ADGRL1: variants seen among roughly 807,000 people sequenced by gnomAD.
ADGRL1 encodes adhesion G protein-coupled receptor L1.
Under a neutral mutation model 148.9 loss-of-function variants are expected in ADGRL1, and 31 were observed. The ratio of observed to expected loss-of-function variants is 0.21; its 90% CI spans 0.16 to 0.28. The LOEUF is 0.28. Among genes scored for constraint, ADGRL1 ranks in the 10% least tolerant of loss-of-function variants. ADGRL1 has a pLI of 1.00. For synonymous variants in ADGRL1, 937 were observed against 900.3 expected (o/e 1.04, Z -0.73); for missense variants, 1,521 against 2,058.8 (o/e 0.74, Z 5.05).
intron 1 of ADGRL1, among the ~76,000 whole-genome samples, chr19:14,197,742 T>C (rs138181019): frequency 6.1e-4 from 93 of 152,292 alleles, no homozygotes; most frequent in African/African-American, 2.2e-3. Flanking sequence ...TTCCCCACCA[T>C]CGAGGGACTC....
At chr19:14,172,532 G>A (rs1040813494) in intron 3 of ADGRL1, among the ~76,000 whole-genome samples, 1 of 151,346 alleles carries the variant, frequency 6.6e-6, no homozygotes, top group African/African-American at 2.4e-5. Context: ...TTGAAGCCAG[G>A]AGCTTGAGAG....
In ADGRL1 at chr19:14,152,850, C is replaced by T; in HGVS notation, c.3357G>A (p.Gly1119=). The change falls in exon 19 of 23, where the codon GGG becomes GGA. Residue 1119 remains glycine (G), a synonymous_variant. Transcript: ENST00000361434. The surrounding 1 kb of genome is among the most constrained non-coding windows in gnomAD (Gnocchi z 6.1). ...AGGTCTTGAGGGATCCGTGAGTGCC[C>T]CCGGGTGGGGAGCGGATGCAGCAGT... ...HSYCCIRSPP[G]GTHGSLKTSA... The T allele has an allele frequency of 6.2e-7, 1 of 1,614,144 alleles. No individual in the cohort carries two copies. Among genetic ancestry groups the T allele is most frequent in the Non-Finnish European group, 8.5e-7 (1 of 1,180,008 alleles).
rs1273026419 is a variant in ADGRL1, at chr19:14,170,683, G to A, written c.393C>T (p.Tyr131=). The A allele has an allele frequency of 1.9e-6, 3 of 1,596,584 alleles. No homozygotes were observed. The highest frequency in any genetic ancestry group is 2.6e-6 in the Non-Finnish European group (3 of 1,164,648). The stretch of plus-strand genomic sequence containing the variant: ...CGCACAAGGAACAAGATGACTCACT[G>A]TAGGGGACACAGTCGTACTGCACCT... ...YLEVQYDCVP[Y]IFVCPGTLQK... is the part of the protein sequence containing the mutation. The change falls in exon 4 of 23, where the codon TAC becomes TAT. Residue 131 remains tyrosine (Y), a splice_region_variant and synonymous_variant. Transcript: ENST00000361434.
Position 14,151,338 on chromosome 19 carries a change from T to G in ADGRL1, c.3945A>C (p.Glu1315Asp). ...CAGCACCCCCGGGCCCGCCCGCCTCTTCCTCGCCCCCGCCCCCTGGCACAG... is the reference window on the plus strand; with the variant it reads ...CAGCACCCCCGGGCCCGCCCGCCTCGTCCTCGCCCCCGCCCCCTGGCACAG... ...VPPVPGGGGE[E>D]EAGGPGGADR... Residue 1315 changes from glutamate (E) to aspartate (D), a missense_variant, in exon 23 of 23, where the codon GAA (glutamate) becomes GAC (aspartate). By Grantham distance (45) the Glu-to-Asp change is conservative (BLOSUM62 2). This residue lies in a region of ADGRL1 where 390 missense variants were observed against 375.0 expected (regional missense o/e 1.04). Coordinates refer to ENST00000361434, the MANE Select transcript of ADGRL1 (RefSeq NM_014921.5). 1 of 1,601,208 alleles carries G rather than the reference T, an allele frequency of 6.2e-7. No individual in the cohort carries two copies. The highest frequency in any genetic ancestry group is 1.3e-5 in the African/African-American group (1 of 74,636).
Position 14,159,610 on chromosome 19 carries a change from G to C in ADGRL1, c.1840-26C>G. ...CTGCACAGGCAGAGGGCATGGTGCT[G>C]TGAGCCCCCCAACACCCTCTAATTC... On this transcript the variant is annotated intron_variant, in intron 9 of 22. Transcript: ENST00000361434. This position sits in a 1 kb window ranked among gnomAD's most constrained non-coding sequence, Gnocchi z 6.0. 6.3e-7 allele frequency: 1 copy of C among 1,592,972 alleles called. No homozygotes were observed. The highest frequency in any genetic ancestry group is 8.6e-7 in the Non-Finnish European group (1 of 1,165,396).
chr19:14,151,070 G>GGGGGGGGGC lies in ADGRL1; in HGVS notation c.4212_4213insGCCCCCCCC (p.Leu1404_Pro1405insAlaProPro). 6 of 709,392 alleles carry GGGGGGGGGC rather than the reference G, an allele frequency of 8.5e-6. No homozygotes were observed. Among genetic ancestry groups the GGGGGGGGGC allele is most frequent in the Non-Finnish European group, 1.3e-5 (6 of 459,040 alleles). The allele number at this position is 709,392 out of a possible 1,614,324, so 43.9% of individuals were successfully genotyped here. ...CCGGGGGGTGCGGGAGGGGGTGGGG[G>GGGGGGGGGC]CAGGGCCTCACTGGGCCCCTCAGGG... On this transcript the variant is annotated inframe_insertion, in exon 23 of 23. Transcript: ENST00000361434.
At chr19:14,171,763 ACTC>A (rs899359743) in intron 3 of ADGRL1, among the ~76,000 whole-genome samples, 4 of 151,934 alleles carry the variant, frequency 2.6e-5, no homozygotes, top group African/African-American at 9.7e-5. Context: ...CCAAGAGGCA[ACTC>A]CTCCAAGTCA....
chr19:14,202,864 G>C lies in ADGRL1; in HGVS notation c.-96+3121C>G, dbSNP rs566182332. Among the ~76,000 whole-genome samples, 20 of 152,112 alleles carry C rather than the reference G, an allele frequency of 1.3e-4. 1 individual carries two copies. The South Asian group carries it at 4.2e-3, about 32-fold the overall frequency. On this transcript the variant is annotated intron_variant, in intron 1 of 22. Coordinates refer to ENST00000361434, the MANE Select transcript of ADGRL1 (RefSeq NM_014921.5). Reference sequence around the variant, plus strand: ...ACACCAGCACAGGAGGGACCTTTATGAACACCGGATGAGTCTGATGGTCAC... The same window carrying C: ...ACACCAGCACAGGAGGGACCTTTATCAACACCGGATGAGTCTGATGGTCAC...
Position 14,161,466 on chromosome 19 carries a change from G to T in ADGRL1, c.1356C>A (p.Ala452=). The T allele has an allele frequency of 6.8e-7, 1 of 1,461,984 alleles. No individual in the cohort carries two copies. Among genetic ancestry groups the T allele is most frequent in the East Asian group, 2.7e-5 (1 of 37,574 alleles). 90.6% of individuals were successfully genotyped at this position (1,461,984 alleles called of 1,614,324 possible). The change falls in exon 6 of 23, where the codon GCC becomes GCA. Residue 452 remains alanine (A), a synonymous_variant. Transcript: ENST00000361434. The surrounding 1 kb of genome is among the most constrained non-coding windows in gnomAD (Gnocchi z 4.4). ...INQLGPDLPP[A]TAPVPSTRRP... ...GCCGGGTGCTGGGGACTGGGGCTGT[G>T]GCTGGAGGCAGATCAGGTCCCAGCT...
In ADGRL1 at chr19:14,177,665, G is replaced by A; in HGVS notation, c.150C>T (p.Cys50=). ...CCACCATGATGACGTCGCTGCCGGG[G>A]CACCGCAGCTCGATGGGGTAGCCTT... is the stretch of plus-strand genomic sequence containing the variant. The part of the protein sequence containing the change: ...ACEGYPIELR[C]PGSDVIMVEN... Residue 50 remains cysteine, a synonymous_variant, in exon 3 of 23, where the codon TGC becomes TGT. Coordinates refer to ENST00000361434, the MANE Select transcript of ADGRL1 (RefSeq NM_014921.5). 1 of 1,614,156 alleles carries A rather than the reference G, an allele frequency of 6.2e-7. No homozygotes were observed. The highest frequency in any genetic ancestry group is 8.5e-7 in the Non-Finnish European group (1 of 1,180,036).
intron 4 of ADGRL1, chr19:14,164,714 G>A (rs1969787643): frequency 7.2e-6 from 1 of 138,622 alleles, no homozygotes; most frequent in Non-Finnish European, 1.6e-5. Flanking sequence ...CCCTGAAAAG[G>A]AGGAAAACCT....
In ADGRL1 at chr19:14,191,065, C is replaced by T. The variant is rs546002055; in HGVS notation, c.-95-7368G>A. 2.8e-4 allele frequency: 124 copies of T among 446,534 alleles called. 2 individuals are homozygous for T. Among genetic ancestry groups the T allele is most frequent in the South Asian group, 1.9e-3 (119 of 64,198 alleles). 27.7% of individuals were successfully genotyped at this position (446,534 alleles called of 1,614,324 possible). On this transcript the variant is annotated intron_variant, in intron 1 of 22. Transcript: ENST00000361434. ...ATCACGCCACCGACTCTAGCCTGGC[C>T]GACAGAGCAAGACTCCGTCTCAAAA...
At chr19:14,181,831 C>T (rs1047107192) in intron 2 of ADGRL1, among the ~76,000 whole-genome samples, 1 of 152,224 alleles carries the variant, frequency 6.6e-6, no homozygotes, top group Admixed American at 6.5e-5. Flanking sequence ...CTGCAGGGAT[C>T]CTGTGCCTTA....
chr19:14,184,295 TGG>T (rs1971422057), intron 1 of ADGRL1, among the ~76,000 whole-genome samples: 1 of 151,354 alleles, frequency 6.6e-6, no homozygotes, highest in Admixed American at 6.6e-5. Context: ...GCAGGCGGGG[TGG>T]GAGGCGGACA....
Position 14,151,453 on chromosome 19 carries a change from T to C in ADGRL1, c.3830A>G (p.Lys1277Arg), listed in dbSNP as rs1336569184. ...GTGCACCAGCTCTGAGATGATCATC[T>C]TCTCAAAGGCCGCCGCATCGGCTAG... ...RNLADAAAFE[K>R]MIISELVHNN... The change falls in exon 23 of 23, where the codon AAG becomes AGG. Residue 1277 changes from lysine (K) to arginine (R), a missense_variant. By Grantham distance (26) the Lys-to-Arg change is conservative (BLOSUM62 2). This residue lies in a region of ADGRL1 where 390 missense variants were observed against 375.0 expected (regional missense o/e 1.04). Coordinates refer to ENST00000361434, the MANE Select transcript of ADGRL1 (RefSeq NM_014921.5). 6.2e-7 allele frequency: 1 copy of C among 1,612,910 alleles called. No homozygotes were observed. The highest frequency in any genetic ancestry group is 1.1e-5 in the South Asian group (1 of 91,026).
intron 4 of ADGRL1, chr19:14,168,752 G>T (rs1302925598): frequency 1.3e-5 from 2 of 152,152 alleles, no homozygotes; most frequent in Non-Finnish European, 2.9e-5. Flanking sequence ...ATTATCCGTT[G>T]TTATTTTAAT....
In ADGRL1 at chr19:14,160,739, G is replaced by A. The variant is rs751510170; in HGVS notation, c.1511-43C>T. On this transcript the variant is annotated intron_variant, in intron 6 of 22. Coordinates refer to ENST00000361434, the MANE Select transcript of ADGRL1 (RefSeq NM_014921.5). The surrounding 1 kb of genome is among the most constrained non-coding windows in gnomAD (Gnocchi z 5.9). ...CAGGAACAGACAAGGGAGCCAAAGGGAAGAAGAGAAGGATGGGACAGAGAG... is the reference window on the plus strand; with the variant it reads ...CAGGAACAGACAAGGGAGCCAAAGGAAAGAAGAGAAGGATGGGACAGAGAG... 152 of 1,140,046 alleles carry A rather than the reference G, an allele frequency of 1.3e-4. No individual in the cohort carries two copies. Among genetic ancestry groups the A allele is most frequent in the Non-Finnish European group, 1.9e-4 (146 of 754,802 alleles). The allele number at this position is 1,140,046 out of a possible 1,614,324, so 70.6% of individuals were successfully genotyped here.
chr19:14,161,378 G>T lies in ADGRL1; in HGVS notation c.1444C>A (p.Arg482=), dbSNP rs754798928. The T allele has an allele frequency of 6.3e-7, 1 of 1,594,212 alleles. No individual in the cohort carries two copies. Among genetic ancestry groups the T allele is most frequent in the African/African-American group, 1.4e-5 (1 of 73,960 alleles). ...TGCTGGGTGGCCGGCCACTGGACCC[G>T]CCGTACCTCTCGGGGCTCGCAGAAG... The part of the protein sequence containing the change: ...ELFCEPREVR[R]VQWPATQQGM... Residue 482 remains arginine, a synonymous_variant, in exon 6 of 23, where the codon CGG becomes AGG. Coordinates refer to ENST00000361434, the MANE Select transcript of ADGRL1 (RefSeq NM_014921.5). This position sits in a 1 kb window ranked among gnomAD's most constrained non-coding sequence, Gnocchi z 4.4.
intron 1 of ADGRL1, among the ~76,000 whole-genome samples, chr19:14,198,898 GTC>G (rs1461314415): frequency 6.6e-6 from 1 of 152,156 alleles, no homozygotes; most frequent in East Asian, 1.9e-4. Context: ...GTGGCCTGTG[GTC>G]TGTTTCCACT....
Sources: allele counts gnomAD v4.1 joint callset (sites outside exome capture counted in the v4.1 genomes callset), GRCh38; gene constraint gnomAD v4.1.1; regional missense constraint gnomAD v4.1.1; non-coding constraint Gnocchi (gnomAD v3.1); transcripts MANE v1.5; gene names NCBI Gene and HGNC (gene_info 2026-07-23, HGNC 2026-07-21).